Variants in UGGT1 observed in about 807,000 individuals in gnomAD.
UGGT1 encodes UDP-glucose:glycoprotein glucosyltransferase 1.
Under a neutral mutation model 203.9 loss-of-function variants are expected in UGGT1, and 107 were observed. The ratio of observed to expected loss-of-function variants is 0.52; its 90% CI spans 0.45 to 0.62. The LOEUF (loss-of-function observed/expected upper bound fraction) is 0.62, where lower values mean the gene tolerates loss of function less well. Among genes scored for constraint, UGGT1 ranks in the 20% least tolerant of loss-of-function variants. UGGT1 has a pLI of 0.00. For synonymous variants in UGGT1, 628 were observed against 653.5 expected, an observed-to-expected ratio of 0.96 and a Z score of 0.59; for missense variants, 1,673 against 1,867.2, an observed-to-expected ratio of 0.90 and a Z score of 1.92.
intron 10 of UGGT1, among the ~76,000 whole-genome samples, chr2:128,121,819 C>T (rs1688396359): frequency 6.6e-6 from 1 of 152,220 alleles, no homozygotes. Context: ...AGGTTATGTT[C>T]TTAGCACTTC....
At chr2:128,128,405 G>A (rs561421233) in intron 12 of UGGT1, among the ~76,000 whole-genome samples, 6 of 150,518 alleles carry the variant, frequency 4.0e-5, no homozygotes, top group Non-Finnish European at 8.9e-5. Context: ...TCTGCCTCCC[G>A]GGTTCAAGAG....
At chr2:128,167,916 G>C (rs983609917) in intron 26 of UGGT1, among the ~76,000 whole-genome samples, 8 of 152,020 alleles carry the variant, frequency 5.3e-5, no homozygotes, top group African/African-American at 1.9e-4. Flanking sequence ...TGAACATGTT[G>C]TGTGAATCTC....
intron 1 of UGGT1, among the ~76,000 whole-genome samples, chr2:128,094,418 A>G (rs1322485150): frequency 1.3e-5 from 2 of 152,200 alleles, no homozygotes; most frequent in South Asian, 4.1e-4. Context: ...TACTACAACA[A>G]TCAATTCTGG....
At chr2:128,157,414 G>T in intron 22 of UGGT1, 68 bp downstream of exon 22, 20 of 1,337,108 alleles carry the variant, frequency 1.5e-5, no homozygotes, top group Non-Finnish European at 1.9e-5. Flanking sequence ...GCTTCGCTGT[G>T]CGGCTAGGAT....
At chr2:128,094,094 C>T (rs931846449) in intron 1 of UGGT1, among the ~76,000 whole-genome samples, 1 of 152,168 alleles carries the variant, frequency 6.6e-6, no homozygotes, top group Non-Finnish European at 1.5e-5. Flanking sequence ...GGTTACAGTG[C>T]AGTGGCGTCC....
In UGGT1 at chr2:128,164,562, C is replaced by T. The variant is rs112433041; in HGVS notation, c.2826-168C>T. On this transcript the variant is annotated intron_variant, in intron 25 of 40. Transcript: ENST00000259253. ...ACATGTGGGAAAGTGAGTAACTTCT[C>T]CAAGGTTATACCACTAATCACTCTT... is the stretch of plus-strand genomic sequence containing the variant. Among the ~76,000 whole-genome samples, 803 of 152,264 alleles carry T rather than the reference C, an allele frequency of 5.3e-3. 12 individuals are homozygous for T. Among genetic ancestry groups the T allele is most frequent in the African/African-American group, 0.017 (709 of 41,548 alleles).
intron 25 of UGGT1, among the ~76,000 whole-genome samples, chr2:128,163,081 A>G (rs1375767995): frequency 6.6e-6 from 1 of 152,002 alleles, no homozygotes; most frequent in Non-Finnish European, 1.5e-5. Flanking sequence ...TACTTTGATC[A>G]TTGTTCTTCA....
At chr2:128,141,478 G>A (rs1241775712) in intron 16 of UGGT1, among the ~76,000 whole-genome samples, 2 of 151,974 alleles carry the variant, frequency 1.3e-5, no homozygotes, top group East Asian at 1.9e-4. Context: ...GGTGGCAGGC[G>A]CCTGTGGTCC....
At position 128,111,909 on chromosome 2, in the gene UGGT1, GT is replaced by G. The variant is rs1429097268; in HGVS notation, c.522-1174del. Among the ~76,000 whole-genome samples the G allele has an allele frequency of 2.2e-4, 33 of 152,158 alleles. 1 individual carries two copies. The highest frequency in any genetic ancestry group is 3.4e-3 in the Middle Eastern group (1 of 294). ...AATCCCAGAACTTTGGGAGGCTGAG[GT>G]GGGTGGATCGCTTGAGTCAGGAGTT... On this transcript the variant is annotated intron_variant, in intron 5 of 40. Coordinates refer to ENST00000259253, the MANE Select transcript of UGGT1 (RefSeq NM_020120.4).
chr2:128,134,129 T>C lies in UGGT1; in HGVS notation c.1498-747T>C, dbSNP rs546357787. On this transcript the variant is annotated intron_variant, in intron 14 of 40. Transcript: ENST00000259253. ...TCGGCTCACTGCAACCTCTGCCCCC[T>C]GGGGTTCAAGTGATTCTCCTGCCTC... Among the ~76,000 whole-genome samples the C allele has an allele frequency of 5.9e-5, 9 of 152,250 alleles. No individual in the cohort carries two copies. In the South Asian group the frequency reaches 1.7e-3, roughly 28 times the overall value.
At position 128,122,449 on chromosome 2, in the gene UGGT1, G is replaced by A. The variant is rs187587856; in HGVS notation, c.1074-737G>A. ...CTCGGGAGTCTGATGCAGGAGAATC[G>A]CTTGAACCCGGGAGGTGAAGGTTAC... is the stretch of plus-strand genomic sequence containing the variant. On this transcript the variant is annotated intron_variant, in intron 10 of 40. Coordinates refer to ENST00000259253, the MANE Select transcript of UGGT1 (RefSeq NM_020120.4). 2.5e-3 allele frequency among the ~76,000 whole-genome samples: 386 copies of A among 151,830 alleles called. 1 individual carries two copies. The highest frequency in any genetic ancestry group is 8.9e-3 in the African/African-American group (367 of 41,426).
chr2:128,107,509 T>TAA lies in UGGT1; in HGVS notation c.278-428_278-427insAA, dbSNP rs1687658837. Among the ~76,000 whole-genome samples the TAA allele has an allele frequency of 2.6e-5, 4 of 152,220 alleles. No individual in the cohort carries two copies. In the South Asian group the frequency reaches 8.3e-4, roughly 31 times the overall value. On this transcript the variant is annotated intron_variant, in intron 3 of 40. Transcript: ENST00000259253. ...ACCAGAAGTCTAAGTGGGGTATAGA[T>TAA]AGACAGTGAATAAATAATTTAGTAA...
At chr2:128,137,612 A>T (rs770172572) in intron 15 of UGGT1, among the ~76,000 whole-genome samples, 1 of 152,232 alleles carries the variant, frequency 6.6e-6, no homozygotes, top group Non-Finnish European at 1.5e-5. Context: ...TGGATCTAAC[A>T]TCATTGCCAA....
intron 1 of UGGT1, 128 bp downstream of exon 1, chr2:128,091,543 C>T: frequency 6.9e-7 from 1 of 1,446,266 alleles, no homozygotes; most frequent in Non-Finnish European, 9.1e-7. Context: ...GGTGTCCTAT[C>T]CCTTCCCCTA....
intron 38 of UGGT1, among the ~76,000 whole-genome samples, chr2:128,184,560 G>C (rs951109070): frequency 1.3e-5 from 2 of 152,102 alleles, no homozygotes; most frequent in African/African-American, 4.8e-5. Flanking sequence ...GACTTTTATG[G>C]TAATCATTTT....
intron 13 of UGGT1, among the ~76,000 whole-genome samples, chr2:128,132,879 A>T (rs1191760551): frequency 2.6e-5 from 4 of 151,458 alleles, no homozygotes; most frequent in Non-Finnish European, 5.9e-5. Flanking sequence ...TAATTTTTAT[A>T]TTTTTTTGCA....
chr2:128,169,026 T>G (rs376506431), intron 26 of UGGT1, among the ~76,000 whole-genome samples: 1 of 104,536 alleles, frequency 9.6e-6, no homozygotes, highest in Non-Finnish European at 1.8e-5. Flanking sequence ...CCAGCCTGGG[T>G]GAATGAGCGA....
chr2:128,116,771 C>T (rs573952547), intron 8 of UGGT1, among the ~76,000 whole-genome samples: 5 of 151,852 alleles, frequency 3.3e-5, no homozygotes, highest in East Asian at 1.9e-4. Flanking sequence ...GTGATCCACT[C>T]GCCTCAGCCT....
At chr2:128,186,626 A>G (rs1353901610) in intron 38 of UGGT1, 57 bp from the exon 39 acceptor site, 1 of 1,408,402 alleles carries the variant, frequency 7.1e-7, no homozygotes. Context: ...AAATAAATAA[A>G]TATCGCCAGA....
Sources: allele counts gnomAD v4.1 joint callset (sites outside exome capture counted in the v4.1 genomes callset), GRCh38; gene constraint gnomAD v4.1.1; transcripts MANE v1.5; gene names NCBI Gene and HGNC (gene_info 2026-07-23, HGNC 2026-07-21).